The following TRPC7 variants were observed in gnomAD, a reference collection of about 807,000 sequenced individuals.
TRPC7 encodes short transient receptor potential channel 7.
A neutral mutation model predicts 90.1 loss-of-function variants in TRPC7; 42 were observed. The ratio of observed to expected loss-of-function variants is 0.47; its 90% CI spans 0.36 to 0.60. The LOEUF (loss-of-function observed/expected upper bound fraction) is 0.60, where lower values mean the gene tolerates loss of function less well. TRPC7 is among the 20% of genes least tolerant of loss of function. The probability of loss-of-function intolerance (pLI) is 0.00; values close to 1 mark genes in which losing one functional copy is unlikely to be tolerated. For synonymous variants in TRPC7, 451 were observed against 436.3 expected (o/e 1.03, Z -0.42); for missense variants, 955 against 1,112.3 (o/e 0.86, Z 2.01).
intron 10 of TRPC7, among the ~76,000 whole-genome samples, chr5:136,223,628 TAAAGTAAAAAAAA>T (rs1755533245): frequency 6.8e-6 from 1 of 147,822 alleles, no homozygotes; most frequent in African/African-American, 2.5e-5. Flanking sequence ...AATAAATAAA[TAAAGTAAAAAAAA>T]AAAGTAAAAA....
chr5:136,326,931 G>T (rs565650009), intron 2 of TRPC7, among the ~76,000 whole-genome samples: 3 of 152,140 alleles, frequency 2.0e-5, no homozygotes, highest in Non-Finnish European at 4.4e-5. Context: ...TAGAAGACCT[G>T]GGGGGAGGTG....
At chr5:136,265,547 C>T (rs777967786) in intron 5 of TRPC7, among the ~76,000 whole-genome samples, 6 of 152,064 alleles carry the variant, frequency 3.9e-5, no homozygotes, top group Non-Finnish European at 7.4e-5. Context: ...ATTTTAGTCA[C>T]TGCCAGTTTT....
chr5:136,297,030 G>A (rs947158537), intron 3 of TRPC7, among the ~76,000 whole-genome samples: 1 of 152,082 alleles, frequency 6.6e-6, no homozygotes, highest in Non-Finnish European at 1.5e-5. Context: ...GTCCCTAAAC[G>A]TGATCGCACC....
chr5:136,229,394 T>C (rs1755747640), intron 8 of TRPC7, among the ~76,000 whole-genome samples: 1 of 152,204 alleles, frequency 6.6e-6, no homozygotes, highest in African/African-American at 2.4e-5. Flanking sequence ...TACTCTTTTT[T>C]GGGGAGGGTA....
chr5:136,254,091 T>C (rs1014285919), intron 5 of TRPC7, among the ~76,000 whole-genome samples: 2 of 152,224 alleles, frequency 1.3e-5, no homozygotes, highest in African/African-American at 4.8e-5. Context: ...AGTTTGAAGC[T>C]AGCAGAGGTT....
intron 5 of TRPC7, among the ~76,000 whole-genome samples, chr5:136,262,382 A>G (rs902937571): frequency 7.2e-5 from 11 of 152,130 alleles, no homozygotes; most frequent in Non-Finnish European, 1.3e-4. Flanking sequence ...GCTTTAACAC[A>G]TACTGTTCCT....
intron 3 of TRPC7, among the ~76,000 whole-genome samples, chr5:136,281,719 A>C (rs1757557201): frequency 6.6e-6 from 1 of 152,208 alleles, no homozygotes; most frequent in African/African-American, 2.4e-5. Flanking sequence ...GTTAGGTCTC[A>C]ATTTCTCTAC....
intron 2 of TRPC7, among the ~76,000 whole-genome samples, chr5:136,336,175 A>G (rs1438884829): frequency 3.9e-5 from 6 of 152,114 alleles, no homozygotes; most frequent in Non-Finnish European, 8.8e-5. Flanking sequence ...GCTTTCTCTC[A>G]CGTTGCAGGC....
intron 11 of TRPC7, among the ~76,000 whole-genome samples, chr5:136,214,838 A>G (rs1337822134): frequency 6.6e-6 from 1 of 152,172 alleles, no homozygotes; most frequent in Middle Eastern, 3.2e-3. Flanking sequence ...AACTTCAATC[A>G]TGGATGAGGC....
chr5:136,214,122 G>A (rs962049388), intron 11 of TRPC7: 1 of 153,728 alleles, frequency 6.5e-6, no homozygotes, highest in African/African-American at 2.4e-5. Flanking sequence ...CCTCTTGGGA[G>A]TGAGCTGGCC....
chr5:136,316,664 C>A (rs1250081556), intron 2 of TRPC7, among the ~76,000 whole-genome samples: 2 of 152,166 alleles, frequency 1.3e-5, no homozygotes, highest in Admixed American at 1.3e-4. Context: ...CTTCTCTTTC[C>A]CCTAAACAAA....
intron 6 of TRPC7, 59 bp downstream of exon 6, chr5:136,251,590 C>G: frequency 7.5e-7 from 1 of 1,341,332 alleles, no homozygotes; most frequent in Non-Finnish European, 1.0e-6. Flanking sequence ...CACAGTGAAG[C>G]ACCAGGCCCA....
At chr5:136,290,475 T>G (rs888304747) in intron 3 of TRPC7, among the ~76,000 whole-genome samples, 2 of 152,158 alleles carry the variant, frequency 1.3e-5, no homozygotes, top group Non-Finnish European at 2.9e-5. Flanking sequence ...AACCACGGCA[T>G]GAGAACTATG....
intron 3 of TRPC7, among the ~76,000 whole-genome samples, chr5:136,295,123 C>A (rs1028033674): frequency 6.6e-6 from 1 of 151,688 alleles, no homozygotes; most frequent in Non-Finnish European, 1.5e-5. Flanking sequence ...GAACATCACA[C>A]ACCGGGGCCT....
At chr5:136,290,344 G>A (rs1015315982) in intron 3 of TRPC7, among the ~76,000 whole-genome samples, 13 of 152,122 alleles carry the variant, frequency 8.5e-5, no homozygotes, top group East Asian at 1.9e-4. Context: ...AAACTACTCC[G>A]AGCTAAAGGA....
chr5:136,357,944 G>A (rs1269100427), intron 1 of TRPC7, among the ~76,000 whole-genome samples: 11 of 152,172 alleles, frequency 7.2e-5, no homozygotes, highest in Non-Finnish European at 1.6e-4. Flanking sequence ...CATAGAGTTG[G>A]CCATCACAAA....
chr5:136,262,989 A>C (rs1343463271), intron 5 of TRPC7, among the ~76,000 whole-genome samples: 1 of 152,038 alleles, frequency 6.6e-6, no homozygotes, highest in Non-Finnish European at 1.5e-5. Context: ...CAAGCAAAGA[A>C]ACAAACAAAC....
intron 1 of TRPC7, among the ~76,000 whole-genome samples, chr5:136,361,938 A>T (rs1760581576): frequency 6.6e-6 from 1 of 152,184 alleles, no homozygotes; most frequent in Non-Finnish European, 1.5e-5. Context: ...CACAGTGAGG[A>T]TTAAATAATG....
intron 10 of TRPC7, among the ~76,000 whole-genome samples, chr5:136,217,400 C>T (rs1247597673): frequency 2.0e-5 from 3 of 152,218 alleles, no homozygotes; most frequent in African/African-American, 7.2e-5. Flanking sequence ...ATCCCTTTAA[C>T]CATGAAGAGC....
Sources: allele counts gnomAD v4.1 joint callset (sites outside exome capture counted in the v4.1 genomes callset), GRCh38; gene constraint gnomAD v4.1.1; transcripts MANE v1.5; gene names NCBI Gene and HGNC (gene_info 2026-07-23, HGNC 2026-07-21).